ARB2A: variants seen among roughly 807,000 people sequenced by gnomAD.
The protein encoded by ARB2A is cotranscriptional regulator ARB2A.
the ARB2A span, among the ~76,000 whole-genome samples, chr5:93,887,290 CAAAA>C: frequency 6.8e-6 from 1 of 146,682 alleles, no homozygotes; most frequent in Non-Finnish European, 1.5e-5. Context: ...ATTTCACAAA[CAAAA>C]AGAAAAGTGA....
At chr5:93,887,252 T>A in the ARB2A span, among the ~76,000 whole-genome samples, 13 of 131,382 alleles carry the variant, frequency 9.9e-5, no homozygotes, top group Non-Finnish European at 9.6e-5. Context: ...GAGAAGTGAG[T>A]GGATAAAAAA....
the ARB2A span, among the ~76,000 whole-genome samples, chr5:94,068,132 T>C: frequency 5.9e-5 from 9 of 152,304 alleles, no homozygotes; most frequent in African/African-American, 2.2e-4. Context: ...TTTTGTTCTC[T>C]GACCTGGGGT....
chr5:93,925,312 A>T, the ARB2A span, among the ~76,000 whole-genome samples: 1 of 152,214 alleles, frequency 6.6e-6, no homozygotes, highest in African/African-American at 2.4e-5. Context: ...TAGTTAAGAA[A>T]CTGTCTTAAA....
chr5:94,085,316 G>A, the ARB2A span, among the ~76,000 whole-genome samples: 4 of 152,192 alleles, frequency 2.6e-5, no homozygotes, highest in Non-Finnish European at 5.9e-5. Context: ...CCCAGTTTCT[G>A]TAGATCAGAA....
At chr5:93,854,588 C>A in the ARB2A span, among the ~76,000 whole-genome samples, 2 of 152,178 alleles carry the variant, frequency 1.3e-5, no homozygotes, top group Non-Finnish European at 2.9e-5. Context: ...CTCTTCTGGG[C>A]ATTTATTGCT....
chr5:93,934,894 C>T, the ARB2A span, among the ~76,000 whole-genome samples: 1 of 152,130 alleles, frequency 6.6e-6, no homozygotes, highest in East Asian at 1.9e-4. Context: ...GGAGTGACAA[C>T]CATAAAAAGG....
At chr5:93,771,299 T>C in the ARB2A span, among the ~76,000 whole-genome samples, 2 of 151,750 alleles carry the variant, frequency 1.3e-5, no homozygotes, top group South Asian at 4.2e-4. Context: ...TATACAAAAA[T>C]TAAGTCAAGA....
the ARB2A span, among the ~76,000 whole-genome samples, chr5:93,695,874 T>C: frequency 1.3e-5 from 2 of 152,316 alleles, no homozygotes; most frequent in Admixed American, 1.3e-4. Context: ...GATGAGTTCA[T>C]GTCCTTTGCA....
chr5:93,985,452 C>T, the ARB2A span, among the ~76,000 whole-genome samples: 3 of 152,098 alleles, frequency 2.0e-5, no homozygotes, highest in Admixed American at 2.0e-4. Flanking sequence ...CCATCTCCCG[C>T]TTTCCACGGT....
the ARB2A span, among the ~76,000 whole-genome samples, chr5:93,842,562 G>GA: frequency 6.6e-6 from 1 of 151,872 alleles, no homozygotes; most frequent in East Asian, 1.9e-4. Flanking sequence ...AACAAGGAAG[G>GA]AAAAAAATGA....
the ARB2A span, among the ~76,000 whole-genome samples, chr5:93,773,225 T>A: frequency 1.3e-5 from 2 of 152,196 alleles, no homozygotes; most frequent in East Asian, 3.9e-4. Context: ...GACATAATAA[T>A]AATTCCTTTG....
At chr5:94,098,422 T>C in the ARB2A span, among the ~76,000 whole-genome samples, 1 of 152,048 alleles carries the variant, frequency 6.6e-6, no homozygotes, top group Non-Finnish European at 1.5e-5. Flanking sequence ...GATCAAGAAG[T>C]TCCTTGAAAA....
the ARB2A span, among the ~76,000 whole-genome samples, chr5:93,761,297 C>T: frequency 2.0e-5 from 3 of 152,124 alleles, no homozygotes; most frequent in Non-Finnish European, 2.9e-5. Flanking sequence ...CAGGGAATTC[C>T]CTTTCCTAGT....
chr5:93,853,776 A>G, the ARB2A span, among the ~76,000 whole-genome samples: 1 of 152,188 alleles, frequency 6.6e-6, no homozygotes, highest in African/African-American at 2.4e-5. Flanking sequence ...ATTTGCGTAT[A>G]TTGAACCAGC....
At chr5:94,000,461 C>A in the ARB2A span, among the ~76,000 whole-genome samples, 3 of 151,974 alleles carry the variant, frequency 2.0e-5, no homozygotes, top group South Asian at 4.1e-4. Flanking sequence ...TGCATAGCTT[C>A]TTTAGTGAGG....
chr5:93,870,358 A>G, the ARB2A span, among the ~76,000 whole-genome samples: 2 of 152,238 alleles, frequency 1.3e-5, no homozygotes, highest in African/African-American at 4.8e-5. Context: ...TTCAGTTTAC[A>G]TCGCCGCTCA....
the ARB2A span, among the ~76,000 whole-genome samples, chr5:93,990,920 C>T: frequency 3.3e-5 from 5 of 152,108 alleles, no homozygotes; most frequent in African/African-American, 1.2e-4. Flanking sequence ...AATACTGTGA[C>T]CTTGCTACAT....
At chr5:93,767,863 G>A in the ARB2A span, among the ~76,000 whole-genome samples, 5 of 151,208 alleles carry the variant, frequency 3.3e-5, no homozygotes, top group South Asian at 8.4e-4. Context: ...GCGTGGTGGC[G>A]GGCACCTGTA....
chr5:93,908,294 C>G, the ARB2A span, among the ~76,000 whole-genome samples: 1 of 150,852 alleles, frequency 6.6e-6, no homozygotes, highest in Non-Finnish European at 1.5e-5. Flanking sequence ...TGAAATATCA[C>G]TAAAATAACT....
Sources: allele counts gnomAD v4.1 joint callset (sites outside exome capture counted in the v4.1 genomes callset), GRCh38; gene constraint gnomAD v4.1.1; transcripts MANE v1.5; gene names NCBI Gene and HGNC (gene_info 2026-07-23, HGNC 2026-07-21).